Variants in ATXN7L1 observed in about 807,000 individuals in gnomAD.
ATXN7L1 encodes ataxin 7 like 1.
In ATXN7L1, 15 loss-of-function variants were observed where a neutral mutation model predicts 70.8. The observed-to-expected ratio is 0.21, with a 90% CI of 0.14 to 0.33. The LOEUF is 0.33. Ranked by LOEUF, ATXN7L1 falls within the 10% of genes least tolerant of loss-of-function variation. ATXN7L1 has a pLI of 1.00. For missense variants in ATXN7L1, 975 were observed against 1,097.1 expected (o/e 0.89, Z 1.57); for synonymous variants, 440 against 445.1 (o/e 0.99, Z 0.14).
Position 105,807,255 on chromosome 7 carries a change from C to T in ATXN7L1, c.251-18547G>A, listed in dbSNP as rs115452659. 9.7e-3 allele frequency among the ~76,000 whole-genome samples: 1,478 copies of T among 152,348 alleles called. 22 individuals carry two copies. Among genetic ancestry groups the T allele is most frequent in the African/African-American group, 0.034 (1,419 of 41,578 alleles). ...CTCATGAGGGAAACTTGACCAGACCCAGCTTAGAGGTGAAGAACCCAGGCT... is the reference window on the plus strand; with the variant it reads ...CTCATGAGGGAAACTTGACCAGACCTAGCTTAGAGGTGAAGAACCCAGGCT... On this transcript the variant is annotated intron_variant, in intron 2 of 11. Transcript: ENST00000419735.
intron 3 of ATXN7L1, among the ~76,000 whole-genome samples, chr7:105,683,760 C>T (rs1805837404): frequency 6.6e-6 from 1 of 152,174 alleles, no homozygotes; most frequent in African/African-American, 2.4e-5. Flanking sequence ...CGCACATGCA[C>T]ACACACGAAC....
intron 7 of ATXN7L1, among the ~76,000 whole-genome samples, chr7:105,629,293 A>T (rs1443277370): frequency 6.6e-6 from 1 of 151,934 alleles, no homozygotes; most frequent in East Asian, 1.9e-4. Context: ...AGCCTCAAAC[A>T]ACTGGCACTC....
chr7:105,767,983 G>A (rs760747915), intron 3 of ATXN7L1, among the ~76,000 whole-genome samples: 8 of 152,206 alleles, frequency 5.3e-5, no homozygotes, highest in African/African-American at 1.9e-4. Flanking sequence ...CAGGCCAGAC[G>A]TCTAAACGTT....
In ATXN7L1 at chr7:105,740,769, A is replaced by ATTTTTTTTT. The variant is rs1235457353; in HGVS notation, c.355+47826_355+47834dup. On this transcript the variant is annotated intron_variant, in intron 3 of 11. Coordinates refer to ENST00000419735, the MANE Select transcript of ATXN7L1 (RefSeq NM_020725.2). ...TGCTCAGTCAAAGGTGGCTCCATTC[A>ATTTTTTTTT]TTTTTTTTTTTTTTTAATGGAGTCT... 5.8e-5 allele frequency among the ~76,000 whole-genome samples: 5 copies of ATTTTTTTTT among 85,702 alleles called. 1 individual carries two copies. The highest frequency in any genetic ancestry group is 4.2e-4 in the South Asian group (1 of 2,358). 56.2% of individuals were successfully genotyped at this position (85,702 alleles called of 152,430 possible). A position where few individuals can be genotyped will look rare whatever the true frequency, so the allele number is the denominator to read the frequency against.
intron 2 of ATXN7L1, among the ~76,000 whole-genome samples, chr7:105,872,055 C>T (rs1291923655): frequency 6.6e-6 from 1 of 150,990 alleles, no homozygotes; most frequent in South Asian, 2.1e-4. Context: ...TGCAGTGGTG[C>T]GATCTTGGCT....
At chr7:105,653,468 A>C (rs1432700463) in intron 4 of ATXN7L1, among the ~76,000 whole-genome samples, 2 of 152,250 alleles carry the variant, frequency 1.3e-5, no homozygotes, top group East Asian at 1.9e-4. Flanking sequence ...AAACAACAAC[A>C]ACCAAAAAAC....
intron 3 of ATXN7L1, among the ~76,000 whole-genome samples, chr7:105,707,254 T>A (rs748791123): frequency 1.3e-5 from 2 of 152,032 alleles, no homozygotes; most frequent in Admixed American, 6.5e-5. Context: ...GTCCAGGGAG[T>A]TAGACAGCAC....
rs571451133 is a variant in ATXN7L1 at position 105,853,704 on chromosome 7, C to G, written c.250+22108G>C. 2.0e-5 allele frequency among the ~76,000 whole-genome samples: 3 copies of G among 152,264 alleles called. No homozygotes were observed. In the South Asian group the frequency reaches 6.2e-4, roughly 32 times the overall value. ...CCTTGAACCTGGGAGGCGGAGGTTGCAGCGAGCAGAGATTGCACCACTGCA... is the reference window on the plus strand; with the variant it reads ...CCTTGAACCTGGGAGGCGGAGGTTGGAGCGAGCAGAGATTGCACCACTGCA... On this transcript the variant is annotated intron_variant, in intron 2 of 11. Coordinates refer to ENST00000419735, the MANE Select transcript of ATXN7L1 (RefSeq NM_020725.2).
At position 105,605,042 on chromosome 7, in the gene ATXN7L1, C is replaced by CTTTTTCTTTTT. The variant is rs1792694932; in HGVS notation, c.*2809_*2810insAAAAAGAAAAA. The CTTTTTCTTTTT allele has an allele frequency of 2.0e-4, 14 of 71,550 alleles. No homozygotes were observed. In the East Asian group the frequency reaches 4.6e-3, roughly 23 times the overall value. 4.4% of individuals were successfully genotyped at this position (71,550 alleles called of 1,614,324 possible). ...GAAGGCATACAAGTTATCCAAGTCG[C>CTTTTTCTTTTT]TTTTTTTTTTTTTTTTTTTTTTTTA... On this transcript the variant is annotated 3_prime_UTR_variant, in exon 12 of 12. Coordinates refer to ENST00000419735, the MANE Select transcript of ATXN7L1 (RefSeq NM_020725.2).
intron 3 of ATXN7L1, among the ~76,000 whole-genome samples, chr7:105,737,236 C>G (rs1406423138): frequency 6.6e-6 from 1 of 152,238 alleles, no homozygotes; most frequent in Non-Finnish European, 1.5e-5. Flanking sequence ...TTGATAAACT[C>G]TTTTGCGCCT....
At chr7:105,721,790 G>T (rs1795214454) in intron 3 of ATXN7L1, among the ~76,000 whole-genome samples, 1 of 152,240 alleles carries the variant, frequency 6.6e-6, no homozygotes, top group South Asian at 2.1e-4. Context: ...TTTCCCTGCT[G>T]CCAGCTCCTC....
intron 3 of ATXN7L1, among the ~76,000 whole-genome samples, chr7:105,675,831 A>G (rs1250529592): frequency 6.6e-6 from 1 of 152,148 alleles, no homozygotes; most frequent in Non-Finnish European, 1.5e-5. Context: ...CAAATGCAGG[A>G]AGGAGACAAA....
chr7:105,735,698 C>T (rs1021796348), intron 3 of ATXN7L1, among the ~76,000 whole-genome samples: 2 of 152,106 alleles, frequency 1.3e-5, no homozygotes, highest in African/African-American at 4.8e-5. Context: ...AAAGCAAACA[C>T]CAGACATTAG....
chr7:105,811,196 CGAG>C (rs756855722), intron 2 of ATXN7L1, among the ~76,000 whole-genome samples: 2 of 152,060 alleles, frequency 1.3e-5, no homozygotes, highest in Admixed American at 6.5e-5. Context: ...CCTTATACGA[CGAG>C]GAGAAGAGAC....
chr7:105,818,887 C>T (rs984794218), intron 2 of ATXN7L1, among the ~76,000 whole-genome samples: 5 of 136,432 alleles, frequency 3.7e-5, no homozygotes, highest in African/African-American at 1.1e-4. Context: ...CTAATCTACC[C>T]ACTGCATTTT....
chr7:105,808,523 T>C (rs769569482), intron 2 of ATXN7L1, among the ~76,000 whole-genome samples: 7 of 152,178 alleles, frequency 4.6e-5, no homozygotes, highest in Non-Finnish European at 7.3e-5. Flanking sequence ...TGAACTATTA[T>C]GGGAAGGAAG....
intron 2 of ATXN7L1, among the ~76,000 whole-genome samples, chr7:105,835,608 G>A (rs922757326): frequency 6.6e-6 from 1 of 152,072 alleles, no homozygotes; most frequent in Admixed American, 6.5e-5. Flanking sequence ...CAGCGGAGAC[G>A]GACTCCTCAC....
chr7:105,743,719 C>G (rs1218664884), intron 3 of ATXN7L1, among the ~76,000 whole-genome samples: 1 of 152,186 alleles, frequency 6.6e-6, no homozygotes, highest in Non-Finnish European at 1.5e-5. Context: ...AAATGCGGCA[C>G]AGCTTCCTTT....
chr7:105,772,818 C>T (rs1273510508), intron 3 of ATXN7L1, among the ~76,000 whole-genome samples: 1 of 152,146 alleles, frequency 6.6e-6, no homozygotes, highest in Non-Finnish European at 1.5e-5. Flanking sequence ...AATAAATTTT[C>T]TAATAATACA....
Sources: allele counts gnomAD v4.1 joint callset (sites outside exome capture counted in the v4.1 genomes callset), GRCh38; gene constraint gnomAD v4.1.1; transcripts MANE v1.5; gene names NCBI Gene and HGNC (gene_info 2026-07-23, HGNC 2026-07-21).